The following BAZ1A variants were observed in gnomAD, a reference collection of about 807,000 sequenced individuals.
The protein encoded by BAZ1A is bromodomain adjacent to zinc finger domain 1A, also known as bromodomain adjacent to zinc finger domain protein 1A.
A neutral mutation model predicts 185.2 loss-of-function variants in BAZ1A; 50 were observed. That is an observed-to-expected ratio of 0.27 (90% CI 0.22 to 0.34). BAZ1A has a LOEUF of 0.34. Ranked by LOEUF, BAZ1A falls within the 10% of genes least tolerant of loss-of-function variation. The pLI is 1.00. For synonymous variants in BAZ1A, 571 were observed against 615.6 expected, an observed-to-expected ratio of 0.93 and a Z score of 1.07; for missense variants, 1,356 against 1,839.9, an observed-to-expected ratio of 0.74 and a Z score of 4.81.
At chr14:34,784,053 G>A in intron 14 of BAZ1A, 126 bp from the exon 15 acceptor site, 1 of 835,448 alleles carries the variant, frequency 1.2e-6, no homozygotes, top group Non-Finnish European at 1.8e-6. Flanking sequence ...TCTCAAACAT[G>A]TCAATGACAT....
At chr14:34,856,020 C>T (rs537121052) in intron 3 of BAZ1A, among the ~76,000 whole-genome samples, 38 of 152,136 alleles carry the variant, frequency 2.5e-4, no homozygotes, top group African/African-American at 8.9e-4. Context: ...GCTTAATATG[C>T]CTAGTATTTA....
Position 34,777,573 on chromosome 14 carries a change from G to C in BAZ1A, c.2237-1058C>G, listed in dbSNP as rs551584643. On this transcript the variant is annotated intron_variant, in intron 17 of 26. Coordinates refer to ENST00000360310, the MANE Select transcript of BAZ1A (RefSeq NM_013448.3). ...GCATGAGAATCGCTTGAACCCAGGA[G>C]GGGGAGGTTGCAGTGGGCCAAGATC... Among the ~76,000 whole-genome samples the C allele has an allele frequency of 1.8e-4, 28 of 151,890 alleles. No homozygotes were observed. The South Asian group carries it at 5.8e-3, about 32-fold the overall frequency.
At chr14:34,777,458 A>G (rs1879710884) in intron 17 of BAZ1A, among the ~76,000 whole-genome samples, 1 of 152,088 alleles carries the variant, frequency 6.6e-6, no homozygotes, top group African/African-American at 2.4e-5. Flanking sequence ...AGCCTGGCCA[A>G]CATGGTGAAA....
rs1318344884 is a variant in BAZ1A, at chr14:34,800,322, C to A, written c.1030G>T (p.Asp344Tyr). 4 of 1,513,802 alleles carry A rather than the reference C, an allele frequency of 2.6e-6. No individual in the cohort carries two copies. In the East Asian group the frequency reaches 9.4e-5, roughly 35 times the overall value. The allele number at this position is 1,513,802 out of a possible 1,614,324, so 93.8% of individuals were successfully genotyped here. A position where few individuals can be genotyped will look rare whatever the true frequency, so the allele number is the denominator to read the frequency against. Residue 344 changes from aspartate (D) to tyrosine (Y), a missense_variant, in exon 9 of 27, where the codon GAT (aspartate) becomes TAT (tyrosine). Physicochemically the swap from Asp to Tyr is radical, Grantham distance 160 (BLOSUM62 -3). Coordinates refer to ENST00000360310, the MANE Select transcript of BAZ1A (RefSeq NM_013448.3). ...AATTCTTCCCTCTTTTTCTCTTTAT[C>A]TTCTTTTTCTTTTTTCTTCGCTTCT... ...ALEAKKKEKE[D>Y]KEKKREELKK...
At chr14:34,843,876 G>C (rs965632227) in intron 3 of BAZ1A, among the ~76,000 whole-genome samples, 1 of 152,050 alleles carries the variant, frequency 6.6e-6, no homozygotes, top group African/African-American at 2.4e-5. Flanking sequence ...TATGGTCCAT[G>C]GCCAAATCCA....
At chr14:34,856,813 G>A (rs376283490) in intron 3 of BAZ1A, among the ~76,000 whole-genome samples, 1 of 141,420 alleles carries the variant, frequency 7.1e-6, no homozygotes, top group Non-Finnish European at 1.5e-5. Context: ...AGCCAAGATT[G>A]CGTCACTGCA....
chr14:34,819,529 A>G (rs1201902986), intron 4 of BAZ1A, among the ~76,000 whole-genome samples: 1 of 152,224 alleles, frequency 6.6e-6, no homozygotes, highest in Non-Finnish European at 1.5e-5. Context: ...CATTTATTTC[A>G]GTTAGTACAT....
intron 24 of BAZ1A, among the ~76,000 whole-genome samples, chr14:34,761,139 G>A (rs1458266581): frequency 6.6e-6 from 1 of 152,002 alleles, no homozygotes; most frequent in African/African-American, 2.4e-5. Context: ...TTAGCCCGGT[G>A]TGATGGTGCA....
chr14:34,834,424 C>A (rs8010444), intron 3 of BAZ1A, among the ~76,000 whole-genome samples: 23,017 of 152,114 alleles, frequency 0.15, 1,993 homozygotes, highest in Admixed American at 0.27. Context: ...TCAGTGGGAA[C>A]AACTGACCAC....
At chr14:34,856,821 G>A (rs532665388) in intron 3 of BAZ1A, among the ~76,000 whole-genome samples, 1 of 138,456 alleles carries the variant, frequency 7.2e-6, no homozygotes, top group Middle Eastern at 4.5e-3. Context: ...TTGCGTCACT[G>A]CACTCTAGCC....
intron 17 of BAZ1A, among the ~76,000 whole-genome samples, 162 bp from the exon 18 acceptor site, chr14:34,776,677 C>T (rs1017618728): frequency 1.7e-4 from 26 of 152,150 alleles, no homozygotes; most frequent in African/African-American, 2.4e-5. Context: ...TCCAATGTGA[C>T]TGTATTTGGA....
chr14:34,828,703 CT>C (rs2042197841), intron 3 of BAZ1A: 1 of 152,162 alleles, frequency 6.6e-6, no homozygotes, highest in South Asian at 2.1e-4. Context: ...ATTTCTCCTC[CT>C]GTGTATCTTC....
rs779373792 is a variant in BAZ1A, at chr14:34,765,010, GA to G, written c.3549+10del. The G allele has an allele frequency of 1.9e-6, 3 of 1,613,114 alleles. No individual in the cohort carries two copies. The highest frequency in any genetic ancestry group is 2.5e-6 in the Non-Finnish European group (3 of 1,179,786). ...TGTCTCATTTCTAATCTGATAAGAA[GA>G]AAAAAATACCTTGAGCTTTGGTCGA... On this transcript the variant is annotated intron_variant, in intron 22 of 26. Coordinates refer to ENST00000360310, the MANE Select transcript of BAZ1A (RefSeq NM_013448.3).
Position 34,874,408 on chromosome 14 carries a change from G to T in BAZ1A, c.113+84C>A. 7.5e-7 allele frequency: 1 copy of T among 1,338,612 alleles called. No homozygotes were observed. The highest frequency in any genetic ancestry group is 1.5e-5 in the African/African-American group (1 of 67,884). The allele number at this position is 1,338,612 out of a possible 1,614,324, so 82.9% of individuals were successfully genotyped here. ...TCAAGTCGCCCCGCCAGAAGCCCAG[G>T]GCGAGGAAAAGGAGAGAGACAAAAG... On this transcript the variant is annotated intron_variant, in intron 2 of 26. Transcript: ENST00000360310. The surrounding 1 kb of genome is among the most constrained non-coding windows in gnomAD (Gnocchi z 4.7).
At chr14:34,785,701 C>T in intron 14 of BAZ1A, 76 bp downstream of exon 14, 1 of 1,262,818 alleles carries the variant, frequency 7.9e-7, no homozygotes, top group Non-Finnish European at 1.1e-6. Context: ...TAAAATTTCT[C>T]ATCAGCTCCT....
chr14:34,803,094 G>C, intron 6 of BAZ1A, 106 bp from the exon 7 acceptor site: 1 of 1,226,458 alleles, frequency 8.2e-7, no homozygotes, highest in African/African-American at 1.5e-5. Flanking sequence ...TAAAAGATCA[G>C]GATAGGCTGG....
intron 4 of BAZ1A, 41 bp from the exon 5 acceptor site, chr14:34,811,077 T>G: frequency 7.4e-7 from 1 of 1,349,844 alleles, no homozygotes; most frequent in Non-Finnish European, 1.0e-6. Flanking sequence ...GTTAATAATT[T>G]GGAAAATGAA....
At chr14:34,839,475 G>C (rs1233454688) in intron 3 of BAZ1A, among the ~76,000 whole-genome samples, 1 of 150,702 alleles carries the variant, frequency 6.6e-6, no homozygotes, top group Non-Finnish European at 1.5e-5. Flanking sequence ...GAAGGTGGAG[G>C]CTGAAGTGAG....
intron 3 of BAZ1A, among the ~76,000 whole-genome samples, chr14:34,838,956 A>G (rs72678773): frequency 3.7e-3 from 570 of 152,322 alleles, no homozygotes; most frequent in Non-Finnish European, 5.9e-3. Context: ...GAGACAAATA[A>G]ATACACGATG....
Sources: gnomAD v4.1 joint callset for allele counts (sites outside exome capture counted in the v4.1 genomes callset) on GRCh38, gnomAD v4.1.1 for gene constraint, Gnocchi (gnomAD v3.1) non-coding constraint, MANE v1.5 for transcripts, NCBI Gene and HGNC (gene_info 2026-07-23, HGNC 2026-07-21) for gene names.